Variants in SCEL observed in about 807,000 individuals in gnomAD.
The protein encoded by SCEL is sciellin.
Under a neutral mutation model 117.6 loss-of-function variants are expected in SCEL, and 113 were observed. The ratio of observed to expected loss-of-function variants is 0.96; its 90% CI spans 0.83 to 1.12. The LOEUF (loss-of-function observed/expected upper bound fraction) is 1.12. SCEL is among the 50% of genes most tolerant of loss of function. The pLI, the probability that SCEL is intolerant of heterozygous loss-of-function variation, is 0.00. For missense variants in SCEL, 785 were observed against 810.8 expected, an observed-to-expected ratio of 0.97 and a Z score of 0.39; for synonymous variants, 270 against 256.2, an observed-to-expected ratio of 1.05 and a Z score of -0.51.
chr13:77,599,978 A>G (rs1464787121), intron 15 of SCEL: 3 of 515,238 alleles, frequency 5.8e-6, no homozygotes, highest in Admixed American at 6.5e-5. Flanking sequence ...ATTCCATAAA[A>G]TGAAGGATAT....
chr13:77,569,476 C>T (rs1272470117), intron 8 of SCEL, 25 bp downstream of exon 8: 1 of 1,556,786 alleles, frequency 6.4e-7, no homozygotes, highest in South Asian at 1.1e-5. Flanking sequence ...CTGTGTCTAC[C>T]TCTTGCTGAT....
In SCEL at chr13:77,589,187, C is replaced by G. The variant is rs369792297; in HGVS notation, c.589C>G (p.Pro197Ala). ...TCCAATACCTCCAAAGCCCAGTTCT[C>G]CTGTTTCTTCTCCTAACCAGCTGAG... ...HPPIPPKPSS[P>A]VSSPNQLRQD... is the part of the protein sequence containing the mutation. Residue 197 changes from proline (P) to alanine (A), a missense_variant, in exon 10 of 33, where the codon CCT (proline) becomes GCT (alanine). Transcript: ENST00000349847. The G allele has an allele frequency of 3.1e-6, 5 of 1,613,080 alleles. No individual in the cohort carries two copies. In the African/African-American group the frequency reaches 6.7e-5, roughly 22 times the overall value.
intron 15 of SCEL, among the ~76,000 whole-genome samples, chr13:77,601,307 G>A (rs1567403107): frequency 6.6e-6 from 1 of 152,144 alleles, no homozygotes; most frequent in Non-Finnish European, 1.5e-5. Context: ...TAACAACTGA[G>A]TTTTGGTGCA....
At chr13:77,551,460 G>A (rs1403267651) in intron 1 of SCEL, among the ~76,000 whole-genome samples, 1 of 152,130 alleles carries the variant, frequency 6.6e-6, no homozygotes, top group Non-Finnish European at 1.5e-5. Context: ...ACCACAGACG[G>A]GTGACTTAAA....
chr13:77,552,028 C>A, intron 1 of SCEL, among the ~76,000 whole-genome samples: 1 of 151,730 alleles, frequency 6.6e-6, no homozygotes, highest in Non-Finnish European at 1.5e-5. Context: ...ATGAACTCAT[C>A]ATTTTTTATG....
At chr13:77,549,498 T>C (rs1182782085) in intron 1 of SCEL, among the ~76,000 whole-genome samples, 1 of 152,236 alleles carries the variant, frequency 6.6e-6, no homozygotes, top group Non-Finnish European at 1.5e-5. Flanking sequence ...TTAGTTCACA[T>C]AGACATTCTC....
chr13:77,614,011 T>C (rs2154403448), intron 24 of SCEL, 56 bp downstream of exon 24: 2 of 1,335,098 alleles, frequency 1.5e-6, no homozygotes, highest in Non-Finnish European at 2.1e-6. Context: ...CCAAAATTAA[T>C]AGAAATGATT....
intron 21 of SCEL, among the ~76,000 whole-genome samples, chr13:77,609,500 T>C (rs989960783): frequency 1.3e-5 from 2 of 152,218 alleles, no homozygotes; most frequent in Admixed American, 1.3e-4. Flanking sequence ...TAGTCACTTC[T>C]GTTTGGGCTT....
At chr13:77,554,801 G>A (rs1407075647) in intron 1 of SCEL, among the ~76,000 whole-genome samples, 1 of 152,140 alleles carries the variant, frequency 6.6e-6, no homozygotes, top group Admixed American at 6.5e-5. Context: ...ACTTGAGCTT[G>A]AATGCCCCTC....
At chr13:77,566,524 T>A (rs2085302273) in intron 5 of SCEL, among the ~76,000 whole-genome samples, 1 of 152,210 alleles carries the variant, frequency 6.6e-6, no homozygotes, top group South Asian at 2.1e-4. Flanking sequence ...TTTCTAGATC[T>A]ATGAGATTAG....
At chr13:77,635,876 T>C (rs1161902698) in intron 29 of SCEL, among the ~76,000 whole-genome samples, 2 of 152,182 alleles carry the variant, frequency 1.3e-5, no homozygotes, top group Admixed American at 6.6e-5. Context: ...TAAAAATTCT[T>C]TGGCCTCACT....
At chr13:77,550,230 A>T (rs922071684) in intron 1 of SCEL, among the ~76,000 whole-genome samples, 3 of 151,668 alleles carry the variant, frequency 2.0e-5, no homozygotes, top group African/African-American at 4.8e-5. Context: ...TACTAAAAAT[A>T]AAAAAATTAG....
intron 9 of SCEL, among the ~76,000 whole-genome samples, chr13:77,577,717 A>G (rs763540167): frequency 6.6e-6 from 1 of 152,210 alleles, no homozygotes; most frequent in Non-Finnish European, 1.5e-5. Context: ...AGGTCTTAAT[A>G]AAGATATGGG....
chr13:77,580,147 T>C (rs766307287), intron 9 of SCEL, among the ~76,000 whole-genome samples: 1 of 152,236 alleles, frequency 6.6e-6, no homozygotes, highest in Non-Finnish European at 1.5e-5. Context: ...TGTTGTGCTG[T>C]TATGTAATTT....
At chr13:77,642,056 T>A (rs2090581505) in intron 31 of SCEL, among the ~76,000 whole-genome samples, 1 of 152,186 alleles carries the variant, frequency 6.6e-6, no homozygotes, top group African/African-American at 2.4e-5. Context: ...TTTTGGTAAA[T>A]AGAAATATTT....
intron 15 of SCEL, 23 bp downstream of exon 15, chr13:77,599,771 C>T (rs1262674347): frequency 6.5e-7 from 1 of 1,531,108 alleles, no homozygotes; most frequent in Non-Finnish European, 9.1e-7. Context: ...TAAGACAGAC[C>T]ATTTTGATTG....
chr13:77,570,055 C>A (rs2085507483), intron 8 of SCEL, among the ~76,000 whole-genome samples: 1 of 152,176 alleles, frequency 6.6e-6, no homozygotes, highest in South Asian at 2.1e-4. Flanking sequence ...GTTGAAAAAA[C>A]CCCAGGGCTA....
intron 4 of SCEL, among the ~76,000 whole-genome samples, chr13:77,563,149 C>T (rs113134361): frequency 4.0e-5 from 6 of 151,776 alleles, no homozygotes; most frequent in African/African-American, 1.5e-4. Flanking sequence ...GCTCATCTGT[C>T]TTGCTCTCCT....
At chr13:77,569,312 G>A in intron 7 of SCEL, 59 bp from the exon 8 acceptor site, 3 of 1,320,658 alleles carry the variant, frequency 2.3e-6, no homozygotes, top group East Asian at 2.3e-5. Flanking sequence ...CTTTTCAAAG[G>A]TAGGCTGAAA....
Sources: allele counts gnomAD v4.1 joint callset (sites outside exome capture counted in the v4.1 genomes callset), GRCh38; gene constraint gnomAD v4.1.1; transcripts MANE v1.5; gene names NCBI Gene and HGNC (gene_info 2026-07-23, HGNC 2026-07-21).